Variants in PISD observed in about 807,000 individuals in gnomAD.
The protein encoded by PISD is phosphatidylserine decarboxylase proenzyme, mitochondrial.
PISD carries 31 observed loss-of-function variants against 43.5 expected under a neutral mutation model. The ratio of observed to expected loss-of-function variants is 0.71; its 90% CI spans 0.54 to 0.96. The LOEUF is 0.96. PISD is among the 40% of genes least tolerant of loss of function. The probability of loss-of-function intolerance (pLI) is 0.00; values close to 1 mark genes in which losing one functional copy is unlikely to be tolerated. For synonymous variants in PISD, 259 were observed against 228.7 expected, an observed-to-expected ratio of 1.13 and a Z score of -1.20; for missense variants, 523 against 548.4, an observed-to-expected ratio of 0.95 and a Z score of 0.46.
chr22:31,636,817 C>A (rs1366980635), intron 3 of PISD, among the ~76,000 whole-genome samples: 2 of 151,956 alleles, frequency 1.3e-5, no homozygotes, highest in East Asian at 3.9e-4. Flanking sequence ...GCTGGGATTA[C>A]AGGCATGAGC....
intron 3 of PISD, among the ~76,000 whole-genome samples, chr22:31,645,807 A>G (rs1477403409): frequency 1.3e-5 from 2 of 149,652 alleles, no homozygotes; most frequent in Non-Finnish European, 3.0e-5. Flanking sequence ...CAGTGAGCCA[A>G]GATTGCGCCA....
At chr22:31,648,478 C>T (rs1569491443) in intron 2 of PISD, among the ~76,000 whole-genome samples, 1 of 151,862 alleles carries the variant, frequency 6.6e-6, no homozygotes, top group Non-Finnish European at 1.5e-5. Context: ...GAGATCGAGA[C>T]CACGGTGAAA....
At chr22:31,627,533 C>A (rs1332656352) in intron 3 of PISD, among the ~76,000 whole-genome samples, 1 of 152,234 alleles carries the variant, frequency 6.6e-6, no homozygotes, top group Non-Finnish European at 1.5e-5. Flanking sequence ...TGATAGCAGT[C>A]AGGGGTGAGC....
intron 3 of PISD, among the ~76,000 whole-genome samples, chr22:31,644,045 C>T (rs2055779395): frequency 6.7e-6 from 1 of 149,412 alleles, no homozygotes; most frequent in African/African-American, 2.5e-5. Context: ...GAGTCTCCGT[C>T]TCAAAAAAAA....
At chr22:31,651,499 T>G (rs908369827) in intron 1 of PISD, among the ~76,000 whole-genome samples, 3 of 151,724 alleles carry the variant, frequency 2.0e-5, no homozygotes, top group Non-Finnish European at 4.4e-5. Flanking sequence ...GCTTTTTGGG[T>G]TTTTTTTGGG....
intron 3 of PISD, among the ~76,000 whole-genome samples, chr22:31,638,158 G>T (rs964751296): frequency 6.6e-6 from 1 of 152,198 alleles, no homozygotes; most frequent in Middle Eastern, 3.2e-3. Context: ...CTGCCAGGTG[G>T]TGGTAGCCCC....
At chr22:31,625,100 T>G (rs2072828846) in intron 3 of PISD, among the ~76,000 whole-genome samples, 1 of 152,210 alleles carries the variant, frequency 6.6e-6, no homozygotes, top group African/African-American at 2.4e-5. Flanking sequence ...CAAGAGAAGC[T>G]GAGTCCTCTC....
chr22:31,648,874 C>T (rs1252139293), intron 2 of PISD, among the ~76,000 whole-genome samples: 3 of 152,118 alleles, frequency 2.0e-5, no homozygotes, highest in African/African-American at 4.8e-5. Context: ...AACACTGAAT[C>T]GCAAAGAGGT....
chr22:31,640,887 T>TTTTGTTTTTTTTG, intron 3 of PISD, among the ~76,000 whole-genome samples: 1 of 72,230 alleles, frequency 1.4e-5, no homozygotes, highest in South Asian at 5.8e-4. Context: ...GGTGTTTTTT[T>TTTTGTTTTTTTTG]TTTTTTTTTT....
At chr22:31,643,067 A>G (rs1035280302) in intron 3 of PISD, among the ~76,000 whole-genome samples, 2 of 150,518 alleles carry the variant, frequency 1.3e-5, no homozygotes, top group Non-Finnish European at 2.9e-5. Flanking sequence ...GTGCCACTGC[A>G]CTCCAGCCTG....
At chr22:31,652,558 G>A (rs1200997743) in intron 1 of PISD, among the ~76,000 whole-genome samples, 1 of 151,722 alleles carries the variant, frequency 6.6e-6, no homozygotes, top group Admixed American at 6.6e-5. Flanking sequence ...TGGAATCCCA[G>A]CACTTTGGGA....
intron 1 of PISD, among the ~76,000 whole-genome samples, chr22:31,654,445 C>T (rs1022744213): frequency 2.0e-5 from 3 of 152,136 alleles, no homozygotes; most frequent in African/African-American, 7.2e-5. Context: ...ATTGCTCCTC[C>T]AGGGGCCAGC....
At position 31,629,314 on chromosome 22, in the gene PISD, G is replaced by A. The variant is rs1390823526; in HGVS notation, c.322-7429C>T. ...TGCAAGGGTATGTGCATGGAGGGGT[G>A]CGTGTATAGGTGCGAGGATGTGTGG... is the stretch of plus-strand genomic sequence containing the variant. On this transcript the variant is annotated intron_variant, in intron 3 of 7. Transcript: ENST00000439502. 7.3e-6 allele frequency: 5 copies of A among 686,568 alleles called. No homozygotes were observed. The African/African-American group carries it at 7.8e-5, about 11-fold the overall frequency. 42.5% of individuals were successfully genotyped at this position (686,568 alleles called of 1,614,324 possible). A position where few individuals can be genotyped will look rare whatever the true frequency, so the allele number is the denominator to read the frequency against.
chr22:31,648,353 G>A (rs956239627), intron 2 of PISD, 77 bp from the exon 3 acceptor site: 47 of 1,333,562 alleles, frequency 3.5e-5, no homozygotes, highest in Non-Finnish European at 4.4e-5. Flanking sequence ...GCACCAACAG[G>A]AGGGTCAGGA....
intron 3 of PISD, chr22:31,625,773 C>T (rs756758439): frequency 5.0e-6 from 8 of 1,592,730 alleles, no homozygotes; most frequent in East Asian, 4.5e-5. Flanking sequence ...CATTTCGCCG[C>T]GCGGAGCTCT....
chr22:31,657,085 C>T (rs1458913088), intron 1 of PISD, among the ~76,000 whole-genome samples: 8 of 152,162 alleles, frequency 5.3e-5, no homozygotes, highest in African/African-American at 1.9e-4. Context: ...ATATCTATCC[C>T]CTCAAGCATT....
At chr22:31,640,891 T>TTTTTTTTTTTTTA in intron 3 of PISD, among the ~76,000 whole-genome samples, 1 of 88,422 alleles carries the variant, frequency 1.1e-5, no homozygotes, top group African/African-American at 4.5e-5. Flanking sequence ...TTTTTTTTTT[T>TTTTTTTTTTTTTA]TTTTTTTTTT....
chr22:31,650,843 G>T, intron 1 of PISD, 65 bp from the exon 2 acceptor site: 1 of 1,044,192 alleles, frequency 9.6e-7, no homozygotes, highest in Non-Finnish European at 1.4e-6. Context: ...GGATTAATCG[G>T]CAAAATTTAA....
Position 31,621,708 on chromosome 22 carries a change from C to T in PISD, c.499G>A (p.Glu167Lys). 6.2e-7 allele frequency: 1 copy of T among 1,614,082 alleles called. No homozygotes were observed. The highest frequency in any genetic ancestry group is 8.5e-7 in the Non-Finnish European group (1 of 1,180,032). The part of the protein sequence containing the change: ...EDLHHYRNLS[E>K]FFRRKLKPQA... ...GGCTTCAGCTTGCGCCGGAAGAACT[C>T]GCTGAGGTTGCGGTAGTGATGCAGG... The change falls in exon 4 of 8, where the codon GAG becomes AAG. Residue 167 changes from glutamate (E) to lysine (K), a missense_variant. Physicochemically the swap from Glu to Lys is moderately conservative, Grantham distance 56. Transcript: ENST00000439502.
Sources: allele counts gnomAD v4.1 joint callset (sites outside exome capture counted in the v4.1 genomes callset), GRCh38; gene constraint gnomAD v4.1.1; transcripts MANE v1.5; gene names NCBI Gene and HGNC (gene_info 2026-07-23, HGNC 2026-07-21).